CFAP99: variants seen among roughly 807,000 people sequenced by gnomAD.
CFAP99 encodes cilia- and flagella-associated protein 99.
Under a neutral mutation model 82.7 loss-of-function variants are expected in CFAP99, and 84 were observed. The observed-to-expected ratio is 1.02, with a 90% CI of 0.85 to 1.22. The LOEUF is 1.22. CFAP99 is among the 50% of genes most tolerant of loss of function. CFAP99 has a pLI of 0.00. For synonymous variants in CFAP99, 456 were observed against 429.5 expected (o/e 1.06, Z -0.76); for missense variants, 1,059 against 983.5 (o/e 1.08, Z -1.03).
chr4:2,437,128 C>T, intron 3 of CFAP99, 110 bp downstream of exon 3: 1 of 1,333,180 alleles, frequency 7.5e-7, no homozygotes, highest in Non-Finnish European at 1.0e-6. Flanking sequence ...GCTCCTCCTT[C>T]CTGCCCTTGC....
Position 2,462,424 on chromosome 4 carries a change from C to A in CFAP99, c.1662-19C>A. ...GCCTCCCGCCGGCCTGCTCCTGAGC[C>A]CGCCGCGTCGCCCGCCAGGTGGGAG... On this transcript the variant is annotated intron_variant, in intron 14 of 14. Transcript: ENST00000635017. The surrounding 1 kb of genome is among the most constrained non-coding windows in gnomAD (Gnocchi z 4.1). The A allele has an allele frequency of 7.1e-7, 1 of 1,415,644 alleles. No individual in the cohort carries two copies. Among genetic ancestry groups the A allele is most frequent in the Non-Finnish European group, 9.1e-7 (1 of 1,098,132 alleles). 87.7% of individuals were successfully genotyped at this position (1,415,644 alleles called of 1,614,324 possible).
rs948534619 is a variant in CFAP99 at position 2,459,281 on chromosome 4, G to A, written c.1455+23G>A. 9.5e-5 allele frequency: 144 copies of A among 1,511,540 alleles called. No individual in the cohort carries two copies. In the East Asian group the frequency reaches 3.1e-3, roughly 33 times the overall value. The allele number at this position is 1,511,540 out of a possible 1,614,324, so 93.6% of individuals were successfully genotyped here. ...CAGGTGAGGATGCAGTCCTGGACGG[G>A]CCCATGCCTCAGGGGCCTCCACGCT... On this transcript the variant is annotated intron_variant, in intron 13 of 14. Coordinates refer to ENST00000635017, the Ensembl canonical transcript of CFAP99.
intron 6 of CFAP99, 77 bp downstream of exon 6, chr4:2,445,385 C>T (rs1734141475): frequency 7.4e-6 from 9 of 1,214,642 alleles, no homozygotes; most frequent in Non-Finnish European, 9.3e-6. Context: ...ACTGTGTGGG[C>T]CTGTGGGGGA....
chr4:2,423,900 A>T (rs993816174), intron 1 of CFAP99, among the ~76,000 whole-genome samples: 2 of 151,264 alleles, frequency 1.3e-5, no homozygotes, highest in African/African-American at 4.9e-5. Flanking sequence ...GGGGAGGGGG[A>T]CCCAGCCGGG....
At chr4:2,443,093 A>T (rs1734086048) in intron 4 of CFAP99, 37 bp from the exon 5 acceptor site, 1 of 1,212,562 alleles carries the variant, frequency 8.2e-7, no homozygotes, top group East Asian at 2.5e-5. Context: ...GGTTGGGCCC[A>T]GGGCTCCGGC....
chr4:2,458,778 G>A, exon 12 of CFAP99: 1 of 1,535,920 alleles, frequency 6.5e-7, no homozygotes, highest in East Asian at 2.4e-5. Context: ...GACAGGTCCA[G>A]GAAGGAGCTG....
At position 2,459,216 on chromosome 4, in the gene CFAP99, GAC is replaced by G; in HGVS notation, c.1417_1418del (p.Gln473AlafsTer?). 3.3e-6 allele frequency: 5 copies of G among 1,535,696 alleles called. No individual in the cohort carries two copies. Among genetic ancestry groups the G allele is most frequent in the Non-Finnish European group, 4.4e-6 (5 of 1,146,744 alleles). Reference sequence around the variant, plus strand: ...TCATCTCCCAGCTGCGCGCACTCGAGACACAGCCCACGCGCAAGGGCAAGCTC... The same window carrying G: ...TCATCTCCCAGCTGCGCGCACTCGAGACAGCCCACGCGCAAGGGCAAGCTC... On this transcript the variant is annotated frameshift_variant, in exon 13 of 15. Transcript: ENST00000635017. LOFTEE classifies it high-confidence loss of function.
intron 13 of CFAP99, among the ~76,000 whole-genome samples, chr4:2,459,642 C>G (rs943593310): frequency 6.6e-6 from 1 of 152,168 alleles, no homozygotes; most frequent in Non-Finnish European, 1.5e-5. Flanking sequence ...GAGGGCCTGC[C>G]GGAAGCCCGT....
chr4:2,432,189 G>T (rs1733813944), intron 2 of CFAP99, among the ~76,000 whole-genome samples: 1 of 152,162 alleles, frequency 6.6e-6, no homozygotes, highest in Non-Finnish European at 1.5e-5. Flanking sequence ...CTAAATGGCT[G>T]CCCTACCTCC....
At chr4:2,454,144 C>T (rs1480647045) in intron 11 of CFAP99, among the ~76,000 whole-genome samples, 1 of 152,156 alleles carries the variant, frequency 6.6e-6, no homozygotes, top group Admixed American at 6.6e-5. Flanking sequence ...ATTATAGGCG[C>T]ATGCCACAAT....
Position 2,438,323 on chromosome 4 carries a change from C to T in CFAP99, c.351+159C>T, listed in dbSNP as rs1428184195. On this transcript the variant is annotated intron_variant, in intron 4 of 14. Transcript: ENST00000635017. ...TGTCGCCCAGGCTGGAGGGCAGTGG[C>T]GCGATCTCAGCTCACTGCAAACTCT... Among the ~76,000 whole-genome samples, 6 of 152,270 alleles carry T rather than the reference C, an allele frequency of 3.9e-5. 1 individual carries two copies. The highest frequency in any genetic ancestry group is 2.1e-4 in the South Asian group (1 of 4,828).
At chr4:2,439,069 G>C (rs1040415990) in intron 4 of CFAP99, among the ~76,000 whole-genome samples, 1 of 152,162 alleles carries the variant, frequency 6.6e-6, no homozygotes, top group Non-Finnish European at 1.5e-5. Context: ...CCTCTGGACC[G>C]AAATGTTTGG....
rs1734250921 is a variant in CFAP99 at position 2,449,541 on chromosome 4, C to T, written c.643-129C>T. 4.1e-6 allele frequency: 3 copies of T among 728,894 alleles called. No homozygotes were observed. In the African/African-American group the frequency reaches 5.3e-5, roughly 13 times the overall value. The allele number at this position is 728,894 out of a possible 1,614,324, so 45.2% of individuals were successfully genotyped here. A position where few individuals can be genotyped will look rare whatever the true frequency, so the allele number is the denominator to read the frequency against. ...GGTGGTGTTAGCTCCAGCCCTGTTTCTCCTCCAATGCAGGCCGCCACCACC... is the reference window on the plus strand; with the variant it reads ...GGTGGTGTTAGCTCCAGCCCTGTTTTTCCTCCAATGCAGGCCGCCACCACC... On this transcript the variant is annotated intron_variant, in intron 6 of 14. Transcript: ENST00000635017.
intron 11 of CFAP99, 94 bp downstream of exon 11, chr4:2,452,440 T>C: frequency 7.7e-7 from 1 of 1,294,484 alleles, no homozygotes; most frequent in Admixed American, 2.1e-5. Context: ...TGGAGCTGAG[T>C]GTCCACAGCG....
upstream of CFAP99, chr4:2,418,965 C>G (rs1733446989): frequency 6.6e-6 from 1 of 152,186 alleles, no homozygotes; most frequent in African/African-American, 2.4e-5. The surrounding 1 kb of genome is among the most constrained non-coding windows in gnomAD (Gnocchi z 4.6). Flanking sequence ...GCCAAACAGC[C>G]GCGGCGTCCT....
intron 5 of CFAP99, 140 bp from the exon 6 acceptor site, chr4:2,444,991 G>A (rs750995723): frequency 3.7e-4 from 180 of 491,728 alleles, no homozygotes; most frequent in Non-Finnish European, 2.7e-4. Flanking sequence ...ACTTCGTGAA[G>A]TGAGGCCGTC....
In CFAP99 at chr4:2,462,758, G is replaced by T; in HGVS notation, c.1977G>T (p.Ala659=). The T allele has an allele frequency of 8.0e-7, 1 of 1,248,430 alleles. No individual in the cohort carries two copies. The highest frequency in any genetic ancestry group is 3.4e-5 in the East Asian group (1 of 29,808). The allele number at this position is 1,248,430 out of a possible 1,614,324, so 77.3% of individuals were successfully genotyped here. Residue 659 remains alanine (A), a synonymous_variant, in exon 15 of 15, where the codon GCG becomes GCT. Coordinates refer to ENST00000635017, the Ensembl canonical transcript of CFAP99. This position sits in a 1 kb window ranked among gnomAD's most constrained non-coding sequence, Gnocchi z 4.1. Reference sequence around the variant, plus strand: ...CCGGGAGATACGCAGCGGCGGGCGCGGGAGGCGGTGGGGGCGTCCCTGCCC... The same window carrying T: ...CCGGGAGATACGCAGCGGCGGGCGCTGGAGGCGGTGGGGGCGTCCCTGCCC...
intron 11 of CFAP99, among the ~76,000 whole-genome samples, chr4:2,454,593 T>TTTTTTTTTTTTTTTTTTTTTTTG (rs1734382512): frequency 9.0e-6 from 1 of 110,626 alleles, no homozygotes; most frequent in Non-Finnish European, 1.9e-5. Flanking sequence ...TTTTTTTTTT[T>TTTTTTTTTTTTTTTTTTTTTTTG]GTTTTTTTTT....
rs188847423 is a variant in CFAP99, at chr4:2,443,308, G to A, written c.464+66G>A. On this transcript the variant is annotated intron_variant, in intron 5 of 14. Coordinates refer to ENST00000635017, the Ensembl canonical transcript of CFAP99. Reference sequence around the variant, plus strand: ...TGCACCCCATTCCAGGTGCCTCCACGGGCACGGGAGCTCCACGTTCCCCTT... The same window carrying A: ...TGCACCCCATTCCAGGTGCCTCCACAGGCACGGGAGCTCCACGTTCCCCTT... 5.7e-4 allele frequency: 558 copies of A among 974,170 alleles called. 1 individual carries two copies. In the African/African-American group the frequency reaches 7.4e-3, roughly 13 times the overall value. The allele number at this position is 974,170 out of a possible 1,614,324, so 60.3% of individuals were successfully genotyped here.
Sources: gnomAD v4.1 joint callset for allele counts (sites outside exome capture counted in the v4.1 genomes callset) on GRCh38, gnomAD v4.1.1 for gene constraint, Gnocchi (gnomAD v3.1) non-coding constraint, MANE v1.5 for transcripts, NCBI Gene and HGNC (gene_info 2026-07-23, HGNC 2026-07-21) for gene names.